VPS53: variants seen among roughly 807,000 people sequenced by gnomAD.
VPS53 encodes VPS53 subunit of GARP complex.
Under a neutral mutation model 107.0 loss-of-function variants are expected in VPS53, and 70 were observed. The ratio of observed to expected loss-of-function variants is 0.65; its 90% confidence interval spans 0.54 to 0.80. The LOEUF is 0.80. Ranked by LOEUF, VPS53 falls within the 30% of genes least tolerant of loss-of-function variation. VPS53 has a pLI of 0.00. For missense variants in VPS53, 917 were observed against 1,049.4 expected (o/e 0.87, Z 1.74); for synonymous variants, 409 against 393.3 (o/e 1.04, Z -0.47).
chr17:639,059 A>C (rs982725026), intron 7 of VPS53, among the ~76,000 whole-genome samples: 1 of 152,180 alleles, frequency 6.6e-6, no homozygotes, highest in Non-Finnish European at 1.5e-5. Context: ...TACACCAATA[A>C]GACGTAGATT....
chr17:621,148 G>C (rs1271491756), intron 11 of VPS53, among the ~76,000 whole-genome samples: 1 of 152,000 alleles, frequency 6.6e-6, no homozygotes, highest in Non-Finnish European at 1.5e-5. Flanking sequence ...ACCATTTCCA[G>C]ACCTCTTTCT....
At position 524,558 on chromosome 17, in the gene VPS53, A is replaced by C. The variant is rs1225001109; in HGVS notation, c.2086-2820T>G. Reference sequence around the variant, plus strand: ...ACTATCCCAACAGCGACACAACAACAGGCAAACAATACTAACACCGGATTC... The same window carrying C: ...ACTATCCCAACAGCGACACAACAACCGGCAAACAATACTAACACCGGATTC... On this transcript the variant is annotated intron_variant, in intron 19 of 21. Transcript: ENST00000437048. This position sits in a 1 kb window ranked among gnomAD's most constrained non-coding sequence, Gnocchi z 4.5. Among the ~76,000 whole-genome samples the C allele has an allele frequency of 6.6e-6, 1 of 152,244 alleles. No individual in the cohort carries two copies. Among genetic ancestry groups the C allele is most frequent in the Non-Finnish European group, 1.5e-5 (1 of 68,038 alleles).
chr17:667,884 G>A lies in VPS53; in HGVS notation c.286-5989C>T, dbSNP rs567157061. On this transcript the variant is annotated intron_variant, in intron 4 of 21. Transcript: ENST00000437048. ...AGCGGTATTAGATTCTCATAGGAGC[G>A]CGAACCCTACTGTGAACTGCACACG... 2.5e-4 allele frequency among the ~76,000 whole-genome samples: 38 copies of A among 152,160 alleles called. No individual in the cohort carries two copies. In the South Asian group the frequency reaches 7.3e-3, roughly 29 times the overall value.
At chr17:575,699 G>A (rs1161368641) in intron 13 of VPS53, among the ~76,000 whole-genome samples, 2 of 149,266 alleles carry the variant, frequency 1.3e-5, no homozygotes, top group East Asian at 2.0e-4. Flanking sequence ...ACCTCAATGC[G>A]TTCCCAGAGA....
intron 19 of VPS53, among the ~76,000 whole-genome samples, chr17:530,911 C>T (rs1184224180): frequency 1.3e-5 from 2 of 152,202 alleles, no homozygotes; most frequent in Non-Finnish European, 2.9e-5. Context: ...ATCCCATTTT[C>T]AGCATAAGTA....
intron 12 of VPS53, chr17:601,099 A>G (rs538969588): frequency 6.6e-6 from 1 of 152,312 alleles, no homozygotes; most frequent in South Asian, 2.1e-4. Flanking sequence ...CAATACCGTA[A>G]AATAATCCTC....
At chr17:650,901 G>GA (rs750267955) in intron 7 of VPS53, among the ~76,000 whole-genome samples, 1 of 151,666 alleles carries the variant, frequency 6.6e-6, no homozygotes, top group Admixed American at 6.6e-5. Context: ...ATACTGATGA[G>GA]AAAAAAAATA....
At chr17:670,526 T>C (rs1238301867) in intron 4 of VPS53, among the ~76,000 whole-genome samples, 1 of 152,214 alleles carries the variant, frequency 6.6e-6, no homozygotes, top group African/African-American at 2.4e-5. Flanking sequence ...ACTCTCCTGC[T>C]TTCTTCTTTC....
chr17:712,580 A>G (rs1973685448), intron 1 of VPS53, among the ~76,000 whole-genome samples: 1 of 152,166 alleles, frequency 6.6e-6, no homozygotes, highest in Non-Finnish European at 1.5e-5. Flanking sequence ...TACTCTTTAC[A>G]AGTATGCTAC....
In VPS53 at chr17:669,214, C is replaced by A. The variant is rs77890006; in HGVS notation, c.286-7319G>T. Among the ~76,000 whole-genome samples the A allele has an allele frequency of 2.2e-3, 340 of 152,114 alleles. 9 individuals are homozygous for A. In the East Asian group the frequency reaches 0.056, roughly 25 times the overall value. On this transcript the variant is annotated intron_variant, in intron 4 of 21. Coordinates refer to ENST00000437048, the MANE Select transcript of VPS53 (RefSeq NM_001128159.3). ...AAGAAGTTAAGGTTTTTTTAAGAAACACAAAAATACCTTCACTACCTGGCT... is the reference window on the plus strand; with the variant it reads ...AAGAAGTTAAGGTTTTTTTAAGAAAAACAAAAATACCTTCACTACCTGGCT...
At chr17:703,034 C>G (rs1973265203) in intron 2 of VPS53, among the ~76,000 whole-genome samples, 1 of 152,158 alleles carries the variant, frequency 6.6e-6, no homozygotes. Flanking sequence ...CTGGCAAAAC[C>G]CTGTCTCTAC....
rs974213278 is a variant in VPS53, at chr17:596,443, C to T, written c.1218+5352G>A. Among the ~76,000 whole-genome samples, 9 of 152,304 alleles carry T rather than the reference C, an allele frequency of 5.9e-5. 1 individual carries two copies. The highest frequency in any genetic ancestry group is 3.4e-3 in the Middle Eastern group (1 of 294). On this transcript the variant is annotated intron_variant, in intron 12 of 21. Transcript: ENST00000437048. ...GCCCCACAGGACACTCAGAAAGCTG[C>T]ATGACCAGGCAGTGCCAGGGTTCCA... is the stretch of plus-strand genomic sequence containing the variant.
chr17:558,854 G>A (rs1361877311), intron 15 of VPS53, among the ~76,000 whole-genome samples: 1 of 151,720 alleles, frequency 6.6e-6, no homozygotes. Context: ...AATTAGCCGG[G>A]GATGGTGATG....
At chr17:540,287 A>G (rs28537324) in intron 17 of VPS53, 94,283 of 151,830 alleles carry the variant, frequency 0.62, 31,946 homozygotes, top group African/African-American at 0.88. Context: ...GGGCTCCAGC[A>G]ATCCTCCCAG....
chr17:713,503 A>C (rs1973717629), intron 1 of VPS53, among the ~76,000 whole-genome samples: 1 of 150,286 alleles, frequency 6.7e-6, no homozygotes, highest in Non-Finnish European at 1.5e-5. Context: ...AAATACAAAA[A>C]TTAGCTAGGC....
Position 627,155 on chromosome 17 carries a change from G to A in VPS53, c.974+19C>T. 3.1e-6 allele frequency: 5 copies of A among 1,609,410 alleles called. No homozygotes were observed. Among genetic ancestry groups the A allele is most frequent in the Non-Finnish European group, 4.2e-6 (5 of 1,177,768 alleles). ...GAAAATTTGATTAACCACAGAACCA[G>A]TAGAGAACTGGCATCTACCTTGTCA... On this transcript the variant is annotated intron_variant, in intron 10 of 21. Coordinates refer to ENST00000437048, the MANE Select transcript of VPS53 (RefSeq NM_001128159.3).
chr17:712,076 A>G (rs1032179632), intron 1 of VPS53, among the ~76,000 whole-genome samples: 2 of 151,632 alleles, frequency 1.3e-5, no homozygotes, highest in African/African-American at 2.4e-5. Flanking sequence ...TCGGCCTCCC[A>G]AAGTGCTGGG....
rs937645494 is a variant in VPS53 at position 636,269 on chromosome 17, C to T, written c.609-4641G>A. Among the ~76,000 whole-genome samples, 3 of 152,134 alleles carry T rather than the reference C, an allele frequency of 2.0e-5. No homozygotes were observed. In the South Asian group the frequency reaches 6.2e-4, roughly 31 times the overall value. On this transcript the variant is annotated intron_variant, in intron 7 of 21. Coordinates refer to ENST00000437048, the MANE Select transcript of VPS53 (RefSeq NM_001128159.3). ...TGTGATTTTTGCACACTGATTTTGT[C>T]TCCTGAGACTTTGCTGAAGTTGCTT...
rs150100067 is a variant in VPS53, at chr17:613,878, G to A, written c.1116+9655C>T. Among the ~76,000 whole-genome samples, 1,302 of 152,364 alleles carry A rather than the reference G, an allele frequency of 8.5e-3. 17 individuals are homozygous for A. The highest frequency in any genetic ancestry group is 0.03 in the African/African-American group (1,251 of 41,586). Reference sequence around the variant, plus strand: ...GTGAAAAAGTGGAAACCACCCGAATGTCCACAGCTGATGGAAGAGACAACA... The same window carrying A: ...GTGAAAAAGTGGAAACCACCCGAATATCCACAGCTGATGGAAGAGACAACA... On this transcript the variant is annotated intron_variant, in intron 11 of 21. Coordinates refer to ENST00000437048, the MANE Select transcript of VPS53 (RefSeq NM_001128159.3).
Sources: allele counts gnomAD v4.1 joint callset (sites outside exome capture counted in the v4.1 genomes callset), GRCh38; gene constraint gnomAD v4.1.1; non-coding constraint Gnocchi (gnomAD v3.1); transcripts MANE v1.5; gene names NCBI Gene and HGNC (gene_info 2026-07-23, HGNC 2026-07-21).